Variants in TSPYL5 observed in about 807,000 individuals in gnomAD.
The protein encoded by TSPYL5 is testis-specific Y-encoded-like protein 5.
For missense variants in TSPYL5, 556 were observed against 555.5 expected, an observed-to-expected ratio of 1.00 and a Z score of -0.01; for synonymous variants, 276 against 236.1, an observed-to-expected ratio of 1.17 and a Z score of -1.55.
Position 97,277,545 on chromosome 8 carries a change from G to C in TSPYL5, c.300C>G (p.Ala100=). ...CCTTCCCCGGGCCGGGCCTGGCCGCGGCCTGCCCGTGGTCCCCCGCAGCTC... is the reference window on the plus strand; with the variant it reads ...CCTTCCCCGGGCCGGGCCTGGCCGCCGCCTGCCCGTGGTCCCCCGCAGCTC... The part of the protein sequence containing the change: ...RARAAGDHGQ[A]AARPGPGKAA... The change falls in exon 1 of 1, where the codon GCC becomes GCG. Residue 100 remains alanine (A), a synonymous_variant. Transcript: ENST00000322128. This position sits in a 1 kb window ranked among gnomAD's most constrained non-coding sequence, Gnocchi z 4.5. The C allele has an allele frequency of 6.8e-7, 1 of 1,481,182 alleles. No homozygotes were observed. 91.8% of individuals were successfully genotyped at this position (1,481,182 alleles called of 1,614,324 possible).
In TSPYL5 at chr8:97,275,975, C is replaced by A. The variant is rs1810506312; in HGVS notation, c.*616G>T. The A allele has an allele frequency of 6.5e-6, 1 of 153,024 alleles. No homozygotes were observed. The highest frequency in any genetic ancestry group is 2.4e-5 in the African/African-American group (1 of 41,468). 9.5% of individuals were successfully genotyped at this position (153,024 alleles called of 1,614,324 possible). A position where few individuals can be genotyped will look rare whatever the true frequency, so the allele number is the denominator to read the frequency against. On this transcript the variant is annotated 3_prime_UTR_variant, in exon 1 of 1. Coordinates refer to ENST00000322128, the MANE Select transcript of TSPYL5 (RefSeq NM_033512.3). ...ACTGTTTCTTGCCCTTAACTTCATGCATGCCCAGCAGTCAAGTGCCATTCT... is the reference window on the plus strand; with the variant it reads ...ACTGTTTCTTGCCCTTAACTTCATGAATGCCCAGCAGTCAAGTGCCATTCT...
chr8:97,275,824 A>G lies in TSPYL5; in HGVS notation c.*767T>C, dbSNP rs765599565. 2 of 152,290 alleles carry G rather than the reference A, an allele frequency of 1.3e-5. No homozygotes were observed. Among genetic ancestry groups the G allele is most frequent in the Non-Finnish European group, 2.9e-5 (2 of 68,102 alleles). The allele number at this position is 152,290 out of a possible 1,614,324, so 9.4% of individuals were successfully genotyped here. A position where few individuals can be genotyped will look rare whatever the true frequency, so the allele number is the denominator to read the frequency against. ...TTGACCAGGAAGCCAACTGGGGCTG[A>G]CAGCAACCCAGACAAAACTTAATGG... On this transcript the variant is annotated 3_prime_UTR_variant, in exon 1 of 1. Transcript: ENST00000322128.
chr8:97,276,638 T>C lies in TSPYL5; in HGVS notation c.1207A>G (p.Lys403Glu), dbSNP rs1310098807. 3.1e-6 allele frequency: 5 copies of C among 1,613,970 alleles called. No individual in the cohort carries two copies. The highest frequency in any genetic ancestry group is 1.3e-5 in the African/African-American group (1 of 74,908). The part of the protein sequence containing the change: ...KEKEGRQGPG[K>E]QPMETTQPGV... ...GGCTGAGTAGTCTCCATTGGCTGCT[T>C]TCCTGGACCTTGCCTGCCTTCTTTT... is the stretch of plus-strand genomic sequence containing the variant. Residue 403 changes from lysine to glutamate, a missense_variant, in exon 1 of 1, where the codon AAG becomes GAG. Coordinates refer to ENST00000322128, the MANE Select transcript of TSPYL5 (RefSeq NM_033512.3).
In TSPYL5 at chr8:97,276,671, C is replaced by G. The variant is rs1810522733; in HGVS notation, c.1174G>C (p.Gly392Arg). The change falls in exon 1 of 1, where the codon GGA becomes CGA. Residue 392 changes from glycine (G) to arginine (R), a missense_variant. Coordinates refer to ENST00000322128, the MANE Select transcript of TSPYL5 (RefSeq NM_033512.3). ...LLSEGARVEK[G>R]KEKEGRQGPG... ...CCTTGCCTGCCTTCTTTTTCCTTTC[C>G]TTTCTCTACACGAGCCCCTTCACTC... The G allele has an allele frequency of 6.2e-7, 1 of 1,614,138 alleles. No homozygotes were observed. The highest frequency in any genetic ancestry group is 8.5e-7 in the Non-Finnish European group (1 of 1,180,028).
Position 97,273,515 on chromosome 8 carries a change from C to T in TSPYL5, c.*3076G>A, listed in dbSNP as rs1311066570. The T allele has an allele frequency of 6.6e-6, 1 of 152,424 alleles. No individual in the cohort carries two copies. Among genetic ancestry groups the T allele is most frequent in the Non-Finnish European group, 1.5e-5 (1 of 68,012 alleles). The allele number at this position is 152,424 out of a possible 1,614,324, so 9.4% of individuals were successfully genotyped here. A position where few individuals can be genotyped will look rare whatever the true frequency, so the allele number is the denominator to read the frequency against. ...ACAGAGATACAGGTTTTTATTTTTC[C>T]ATCATGCATGCAAACTTACAACTAT... On this transcript the variant is annotated 3_prime_UTR_variant, in exon 1 of 1. Transcript: ENST00000322128.
chr8:97,277,791 T>G lies in TSPYL5; in HGVS notation c.54A>C (p.Lys18Asn). 6.7e-7 allele frequency: 1 copy of G among 1,484,900 alleles called. No homozygotes were observed. Among genetic ancestry groups the G allele is most frequent in the Non-Finnish European group, 8.9e-7 (1 of 1,124,936 alleles). 92.0% of individuals were successfully genotyped at this position (1,484,900 alleles called of 1,614,324 possible). ...GGCGGACTCGGGCTTTGGCGCGGCC[T>G]TTGCCCCGGTTTTTGGCGCGGGAGG... Reference protein sequence around the residue: ...RKSSRAKNRGKGRAKARVRPA... With the variant: ...RKSSRAKNRGNGRAKARVRPA... Residue 18 changes from lysine (K) to asparagine (N), a missense_variant, in exon 1 of 1, where the codon AAA becomes AAC. Physicochemically the swap from Lys to Asn is moderately conservative, Grantham distance 94. Transcript: ENST00000322128. This position sits in a 1 kb window ranked among gnomAD's most constrained non-coding sequence, Gnocchi z 4.5.
Position 97,277,894 on chromosome 8 carries a change from G to A in TSPYL5, c.-50C>T, listed in dbSNP as rs762975856. The A allele has an allele frequency of 2.2e-5, 29 of 1,345,020 alleles. No homozygotes were observed. In the South Asian group the frequency reaches 4.8e-4, roughly 22 times the overall value. 83.3% of individuals were successfully genotyped at this position (1,345,020 alleles called of 1,614,324 possible). On this transcript the variant is annotated 5_prime_UTR_variant, in exon 1 of 1. Transcript: ENST00000322128. The surrounding 1 kb of genome is among the most constrained non-coding windows in gnomAD (Gnocchi z 4.5). ...GACACGCTGTGACCCTGCGGCTCCT[G>A]ACGCCAGCTCTCGGTCGGGACCGAG... is the stretch of plus-strand genomic sequence containing the variant.
rs773633008 is a variant in TSPYL5 at position 97,276,552 on chromosome 8, A to G, written c.*39T>C. 2 of 1,585,552 alleles carry G rather than the reference A, an allele frequency of 1.3e-6. No homozygotes were observed. The highest frequency in any genetic ancestry group is 1.7e-6 in the Non-Finnish European group (2 of 1,167,258). ...AGAGCCAAATATGTAGTCAACCAGG[A>G]GCAGCCCAGCAGGAGGTAGCAGGGA... On this transcript the variant is annotated 3_prime_UTR_variant, in exon 1 of 1. Transcript: ENST00000322128.
chr8:97,277,345 C>G lies in TSPYL5; in HGVS notation c.500G>C (p.Arg167Thr), dbSNP rs143013209. Reference protein sequence around the residue: ...GRGPQVIAGGRQKKGAAGENT... With the variant: ...GRGPQVIAGGTQKKGAAGENT... The stretch of plus-strand genomic sequence containing the variant: ...CTCCCCTGCCGCCCCTTTCTTCTGC[C>G]TCCCACCAGCTATGACCTGAGGCCC... Residue 167 changes from arginine (R) to threonine (T), a missense_variant, in exon 1 of 1, where the codon AGG (arginine) becomes ACG (threonine). By Grantham distance (71) the Arg-to-Thr change is moderately conservative (BLOSUM62 -1). Coordinates refer to ENST00000322128, the MANE Select transcript of TSPYL5 (RefSeq NM_033512.3). This position sits in a 1 kb window ranked among gnomAD's most constrained non-coding sequence, Gnocchi z 4.5. 1 of 1,609,154 alleles carries G rather than the reference C, an allele frequency of 6.2e-7. No individual in the cohort carries two copies. The highest frequency in any genetic ancestry group is 8.5e-7 in the Non-Finnish European group (1 of 1,177,342).
At position 97,276,679 on chromosome 8, in the gene TSPYL5, A is replaced by G. The variant is rs1484516913; in HGVS notation, c.1166T>C (p.Val389Ala). The change falls in exon 1 of 1, where the codon GTA becomes GCA. Residue 389 changes from valine to alanine, a missense_variant. By Grantham distance (64) the Val-to-Ala change is moderately conservative. Coordinates refer to ENST00000322128, the MANE Select transcript of TSPYL5 (RefSeq NM_033512.3). The stretch of plus-strand genomic sequence containing the variant: ...GCCTTCTTTTTCCTTTCCTTTCTCT[A>G]CACGAGCCCCTTCACTCAAAAGGTA... The part of the protein sequence containing the change: ...QFYLLSEGAR[V>A]EKGKEKEGRQ... The G allele has an allele frequency of 6.2e-7, 1 of 1,614,094 alleles. No individual in the cohort carries two copies. The highest frequency in any genetic ancestry group is 8.5e-7 in the Non-Finnish European group (1 of 1,180,020).
At position 97,274,210 on chromosome 8, in the gene TSPYL5, T is replaced by C. The variant is rs1810474172; in HGVS notation, c.*2381A>G. 1 of 139,278 alleles carries C rather than the reference T, an allele frequency of 7.2e-6. No individual in the cohort carries two copies. The highest frequency in any genetic ancestry group is 7.1e-5 in the Admixed American group (1 of 14,014). 8.6% of individuals were successfully genotyped at this position (139,278 alleles called of 1,614,324 possible). On this transcript the variant is annotated 3_prime_UTR_variant, in exon 1 of 1. Transcript: ENST00000322128. Reference sequence around the variant, plus strand: ...TTCTGTGCATGTCTGAAAATGTCCATAACACAGAGCAAAAAAAAAAAAATA... The same window carrying C: ...TTCTGTGCATGTCTGAAAATGTCCACAACACAGAGCAAAAAAAAAAAAATA...
In TSPYL5 at chr8:97,273,491, C is replaced by G. The variant is rs1810461592; in HGVS notation, c.*3100G>C. 1 of 152,412 alleles carries G rather than the reference C, an allele frequency of 6.6e-6. No homozygotes were observed. The highest frequency in any genetic ancestry group is 6.5e-5 in the Admixed American group (1 of 15,276). 9.4% of individuals were successfully genotyped at this position (152,412 alleles called of 1,614,324 possible). Reference sequence around the variant, plus strand: ...TCTTTTTTGAAAATCAGAAATATAACAGAGATACAGGTTTTTATTTTTCCA... The same window carrying G: ...TCTTTTTTGAAAATCAGAAATATAAGAGAGATACAGGTTTTTATTTTTCCA... On this transcript the variant is annotated 3_prime_UTR_variant, in exon 1 of 1. Coordinates refer to ENST00000322128, the MANE Select transcript of TSPYL5 (RefSeq NM_033512.3).
Position 97,277,925 on chromosome 8 carries a change from C to A in TSPYL5, c.-81G>T. On this transcript the variant is annotated 5_prime_UTR_variant, in exon 1 of 1. Coordinates refer to ENST00000322128, the MANE Select transcript of TSPYL5 (RefSeq NM_033512.3). The surrounding 1 kb of genome is among the most constrained non-coding windows in gnomAD (Gnocchi z 4.5). Reference sequence around the variant, plus strand: ...AGCTCTCGGTCGGGACCGAGCGGGTCTCTCCACGGCAACCGCCGACGTCAC... The same window carrying A: ...AGCTCTCGGTCGGGACCGAGCGGGTATCTCCACGGCAACCGCCGACGTCAC... The A allele has an allele frequency of 7.8e-7, 1 of 1,280,514 alleles. No homozygotes were observed. 79.3% of individuals were successfully genotyped at this position (1,280,514 alleles called of 1,614,324 possible).
At position 97,277,341 on chromosome 8, in the gene TSPYL5, C is replaced by T. The variant is rs1357999099; in HGVS notation, c.504G>A (p.Gln168=). The change falls in exon 1 of 1, where the codon CAG becomes CAA. Residue 168 remains glutamine, a synonymous_variant. Coordinates refer to ENST00000322128, the MANE Select transcript of TSPYL5 (RefSeq NM_033512.3). This position sits in a 1 kb window ranked among gnomAD's most constrained non-coding sequence, Gnocchi z 4.5. ...TATTCTCCCCTGCCGCCCCTTTCTT[C>T]TGCCTCCCACCAGCTATGACCTGAG... is the stretch of plus-strand genomic sequence containing the variant. ...RGPQVIAGGR[Q]KKGAAGENTS... 1 of 1,609,324 alleles carries T rather than the reference C, an allele frequency of 6.2e-7. No homozygotes were observed. The highest frequency in any genetic ancestry group is 1.7e-5 in the Admixed American group (1 of 59,708).
At position 97,275,411 on chromosome 8, in the gene TSPYL5, C is replaced by T. The variant is rs1810496960; in HGVS notation, c.*1180G>A. 2 of 151,654 alleles carry T rather than the reference C, an allele frequency of 1.3e-5. No homozygotes were observed. Among genetic ancestry groups the T allele is most frequent in the South Asian group, 2.1e-4 (1 of 4,776 alleles). The allele number at this position is 151,654 out of a possible 1,614,324, so 9.4% of individuals were successfully genotyped here. The stretch of plus-strand genomic sequence containing the variant: ...GGCAGAAGGGGAGGAAAGGAGGCTA[C>T]CAGGAAAGGGAGGGAGGAAAGAAGA... On this transcript the variant is annotated 3_prime_UTR_variant, in exon 1 of 1. Coordinates refer to ENST00000322128, the MANE Select transcript of TSPYL5 (RefSeq NM_033512.3).
chr8:97,277,661 G>T lies in TSPYL5; in HGVS notation c.184C>A (p.Leu62Met). ...QVQAGAGWGG[L>M]EAAASAQLLR... ...AGCTGCGCGGACGCAGCGGCTTCCA[G>T]GCCACCCCACCCCGCGCCAGCCTGC... Residue 62 changes from leucine to methionine, a missense_variant, in exon 1 of 1, where the codon CTG becomes ATG. By Grantham distance (15) the Leu-to-Met change is conservative. Transcript: ENST00000322128. The surrounding 1 kb of genome is among the most constrained non-coding windows in gnomAD (Gnocchi z 4.5). 1 of 1,475,340 alleles carries T rather than the reference G, an allele frequency of 6.8e-7. No homozygotes were observed. The highest frequency in any genetic ancestry group is 8.9e-7 in the Non-Finnish European group (1 of 1,119,004). The allele number at this position is 1,475,340 out of a possible 1,614,324, so 91.4% of individuals were successfully genotyped here.
At position 97,276,863 on chromosome 8, in the gene TSPYL5, T is replaced by C. The variant is rs574440635; in HGVS notation, c.982A>G (p.Ile328Val). ...SGQVVSRSTP[I>V]QWLPGHDLQS... ...AGATCATGCCCTGGGAGCCACTGGA[T>C]TGGAGTAGAACGAGACACCACCTGG... Residue 328 changes from isoleucine (I) to valine (V), a missense_variant, in exon 1 of 1, where the codon ATC becomes GTC. Physicochemically the swap from Ile to Val is conservative, Grantham distance 29. Transcript: ENST00000322128. 1.2e-5 allele frequency: 19 copies of C among 1,614,100 alleles called. No individual in the cohort carries two copies. Among genetic ancestry groups the C allele is most frequent in the African/African-American group, 8.0e-5 (6 of 75,002 alleles).
In TSPYL5 at chr8:97,276,556, G is replaced by C. The variant is rs1810519046; in HGVS notation, c.*35C>G. 1 of 1,591,474 alleles carries C rather than the reference G, an allele frequency of 6.3e-7. No homozygotes were observed. Among genetic ancestry groups the C allele is most frequent in the African/African-American group, 1.3e-5 (1 of 74,392 alleles). ...CCAAATATGTAGTCAACCAGGAGCA[G>C]CCCAGCAGGAGGTAGCAGGGAGACT... On this transcript the variant is annotated 3_prime_UTR_variant, in exon 1 of 1. Coordinates refer to ENST00000322128, the MANE Select transcript of TSPYL5 (RefSeq NM_033512.3).
rs115141990 is a variant in TSPYL5 at position 97,274,579 on chromosome 8, G to A, written c.*2012C>T. ...TGAGAGACAGGCATGCTCCCCCTGCGGCTTCTCAAGCCATTTCTGTCTGAT... is the reference window on the plus strand; with the variant it reads ...TGAGAGACAGGCATGCTCCCCCTGCAGCTTCTCAAGCCATTTCTGTCTGAT... On this transcript the variant is annotated 3_prime_UTR_variant, in exon 1 of 1. Coordinates refer to ENST00000322128, the MANE Select transcript of TSPYL5 (RefSeq NM_033512.3). 1,331 of 151,902 alleles carry A rather than the reference G, an allele frequency of 8.8e-3. 9 individuals carry two copies. The highest frequency in any genetic ancestry group is 0.014 in the African/African-American group (560 of 41,462). The allele number at this position is 151,902 out of a possible 1,614,324, so 9.4% of individuals were successfully genotyped here. A position where few individuals can be genotyped will look rare whatever the true frequency, so the allele number is the denominator to read the frequency against.
Sources: gnomAD v4.1 joint callset for allele counts on GRCh38, gnomAD v4.1.1 for gene constraint, Gnocchi (gnomAD v3.1) non-coding constraint, MANE v1.5 for transcripts, NCBI Gene and HGNC (gene_info 2026-07-23, HGNC 2026-07-21) for gene names.